PDE4D: variants seen among roughly 807,000 people sequenced by gnomAD.
PDE4D encodes phosphodiesterase 4D.
A neutral mutation model predicts 87.4 loss-of-function variants in PDE4D; 24 were observed. The observed-to-expected ratio is 0.27, with a 90% CI of 0.20 to 0.39. The LOEUF (loss-of-function observed/expected upper bound fraction) is 0.39. Among genes scored for constraint, PDE4D ranks in the 10% least tolerant of loss-of-function variants. PDE4D has a pLI of 1.00. For missense variants in PDE4D, 714 were observed against 1,041.0 expected (o/e 0.69, Z 4.32); for synonymous variants, 384 against 383.2 (o/e 1.00, Z -0.02).
chr5:60,215,183 C>T (rs1183595177), intron 1 of PDE4D, among the ~76,000 whole-genome samples: 1 of 152,138 alleles, frequency 6.6e-6, no homozygotes, highest in Non-Finnish European at 1.5e-5. Flanking sequence ...TAGAATCAGA[C>T]CTTTTTAATC....
At chr5:59,218,675 A>C (rs954291027) in intron 1 of PDE4D, among the ~76,000 whole-genome samples, 1 of 152,152 alleles carries the variant, frequency 6.6e-6, no homozygotes, top group Non-Finnish European at 1.5e-5. Context: ...AAATAACCTT[A>C]AAGGCCTAAA....
chr5:60,484,765 A>G (rs1749002899), intron 1 of PDE4D, among the ~76,000 whole-genome samples: 2 of 152,196 alleles, frequency 1.3e-5, no homozygotes, highest in African/African-American at 2.4e-5. Context: ...TACTGGGAAT[A>G]TGTTTTAGAA....
In PDE4D at chr5:59,038,946, G is replaced by C; in HGVS notation, c.834C>G (p.Ser278Arg). The C allele has an allele frequency of 6.3e-7, 1 of 1,596,210 alleles. No homozygotes were observed. Among genetic ancestry groups the C allele is most frequent in the Non-Finnish European group, 8.5e-7 (1 of 1,170,824 alleles). Residue 278 changes from serine to arginine, a missense_variant, in exon 6 of 15, where the codon AGC (serine) becomes AGG (arginine). Physicochemically the swap from Ser to Arg is moderately radical, Grantham distance 110. This residue lies in a region of PDE4D where 90 missense variants were observed against 177.6 expected (regional missense o/e 0.51). Coordinates refer to ENST00000340635, the MANE Select transcript of PDE4D (RefSeq NM_001104631.2). ...ACCAGTCCAGCTCCTCCAGGGTCTC[G>C]CTGGCCAGTTTCTGGTAGGCCTCCT... ...ITEEAYQKLA[S>R]ETLEELDWCL...
Position 59,656,837 on chromosome 5 carries a change from G to C in PDE4D, c.455+236331C>G, listed in dbSNP as rs1337748090. 2.0e-5 allele frequency among the ~76,000 whole-genome samples: 3 copies of C among 152,148 alleles called. No individual in the cohort carries two copies. In the East Asian group the frequency reaches 5.8e-4, roughly 29 times the overall value. Reference sequence around the variant, plus strand: ...CTCTTCAGTTTTAGCAATTACAATAGCAAATAATTATTATTCATAACAGTA... The same window carrying C: ...CTCTTCAGTTTTAGCAATTACAATACCAAATAATTATTATTCATAACAGTA... On this transcript the variant is annotated intron_variant, in intron 1 of 14. Transcript: ENST00000340635.
chr5:59,801,956 T>A (rs576985321), intron 1 of PDE4D, among the ~76,000 whole-genome samples: 6 of 152,344 alleles, frequency 3.9e-5, no homozygotes, highest in African/African-American at 1.4e-4. Flanking sequence ...CAGTTCATTA[T>A]ATTTTCTTGT....
chr5:60,440,845 A>G (rs1745149174), intron 1 of PDE4D, among the ~76,000 whole-genome samples: 3 of 152,148 alleles, frequency 2.0e-5, no homozygotes, highest in Non-Finnish European at 4.4e-5. Context: ...CGAGGCAACT[A>G]AAGCACAAAG....
chr5:59,958,317 G>T (rs1335490471), intron 3 of PDE4D, among the ~76,000 whole-genome samples: 1 of 151,894 alleles, frequency 6.6e-6, no homozygotes, highest in Admixed American at 6.6e-5. Context: ...TATTTCCCTT[G>T]GATGTAATAA....
At chr5:59,351,415 T>C (rs1303410284) in intron 1 of PDE4D, among the ~76,000 whole-genome samples, 1 of 152,194 alleles carries the variant, frequency 6.6e-6, no homozygotes, top group Admixed American at 6.5e-5. Context: ...TACTCACAAT[T>C]TGAAATATCA....
At chr5:59,278,771 GA>G in intron 1 of PDE4D, among the ~76,000 whole-genome samples, 1 of 151,966 alleles carries the variant, frequency 6.6e-6, no homozygotes, top group Non-Finnish European at 1.5e-5. Flanking sequence ...TATATTAATA[GA>G]AAAAAAGGAG....
intron 1 of PDE4D, among the ~76,000 whole-genome samples, chr5:60,433,608 T>C (rs1417747255): frequency 6.6e-6 from 1 of 152,134 alleles, no homozygotes; most frequent in Admixed American, 6.5e-5. Flanking sequence ...TCTACCATAA[T>C]GATACACACA....
intron 1 of PDE4D, among the ~76,000 whole-genome samples, chr5:59,286,674 C>G (rs1201568382): frequency 2.0e-5 from 3 of 152,084 alleles, no homozygotes; most frequent in Non-Finnish European, 4.4e-5. Flanking sequence ...TCAAAAGTAA[C>G]TCTTGAAAAC....
chr5:60,416,514 C>T (rs575291552), intron 1 of PDE4D, among the ~76,000 whole-genome samples: 2 of 152,198 alleles, frequency 1.3e-5, no homozygotes, highest in South Asian at 2.1e-4. Flanking sequence ...GACACCCTGA[C>T]TTAAGAGCTG....
At chr5:59,884,930 C>A (rs1171787077) in intron 1 of PDE4D, among the ~76,000 whole-genome samples, 1 of 151,754 alleles carries the variant, frequency 6.6e-6, no homozygotes, top group East Asian at 1.9e-4. Context: ...ATACATTTTT[C>A]TTCCTTTTTG....
intron 1 of PDE4D, among the ~76,000 whole-genome samples, chr5:59,249,108 A>G (rs1759429405): frequency 6.6e-6 from 1 of 152,138 alleles, no homozygotes; most frequent in African/African-American, 2.4e-5. Context: ...TAATACATAA[A>G]GAACTCTTGC....
chr5:59,721,943 C>CTT (rs1755889396), intron 1 of PDE4D, among the ~76,000 whole-genome samples: 2 of 152,244 alleles, frequency 1.3e-5, no homozygotes, highest in South Asian at 4.1e-4. Flanking sequence ...AGTGACAATA[C>CTT]ATCACAGCCT....
At chr5:59,492,994 CT>C (rs1338801782) in intron 1 of PDE4D, among the ~76,000 whole-genome samples, 1 of 152,104 alleles carries the variant, frequency 6.6e-6, no homozygotes, top group Non-Finnish European at 1.5e-5. Flanking sequence ...ACCTCTTTTT[CT>C]TCCTAGTGTC....
chr5:59,670,599 T>C (rs1035156190), intron 1 of PDE4D, among the ~76,000 whole-genome samples: 2 of 152,158 alleles, frequency 1.3e-5, no homozygotes, highest in Non-Finnish European at 2.9e-5. Flanking sequence ...TGTGTATGCA[T>C]GTATTCCAAA....
In PDE4D at chr5:60,335,387, T is replaced by C. The variant is rs1015567923; in HGVS notation, c.-89-149700A>G. Among the ~76,000 whole-genome samples, 39 of 152,070 alleles carry C rather than the reference T, an allele frequency of 2.6e-4. 1 individual carries two copies. Among genetic ancestry groups the C allele is most frequent in the Non-Finnish European group, 4.4e-5 (3 of 68,006 alleles). ...AAAGTTGATTAGACAATTATGGGAG[T>C]TAGGATTCTATCTGCCCAGATACCA... On this transcript the variant is annotated intron_variant, in intron 1 of 16. Coordinates refer to the PDE4D transcript ENST00000502484.
intron 1 of PDE4D, among the ~76,000 whole-genome samples, chr5:59,809,496 C>A (rs991017131): frequency 6.6e-6 from 1 of 152,160 alleles, no homozygotes; most frequent in Non-Finnish European, 1.5e-5. Context: ...ATAAATCATA[C>A]CATTTGGTAC....
Sources: allele counts gnomAD v4.1 joint callset (sites outside exome capture counted in the v4.1 genomes callset), GRCh38; gene constraint gnomAD v4.1.1; regional missense constraint gnomAD v4.1.1; transcripts MANE v1.5; gene names NCBI Gene and HGNC (gene_info 2026-07-23, HGNC 2026-07-21).